FAF1: variants seen among roughly 807,000 people sequenced by gnomAD.
FAF1 encodes the protein FAS-associated factor 1.
Under a neutral mutation model 92.5 loss-of-function variants are expected in FAF1, and 25 were observed. That is an observed-to-expected ratio of 0.27 (90% CI 0.20 to 0.38). The LOEUF is 0.38. FAF1 is among the 10% of genes least tolerant of loss of function. The probability of loss-of-function intolerance (pLI) is 1.00; values close to 1 mark genes in which losing one functional copy is unlikely to be tolerated. For missense variants in FAF1, 636 were observed against 793.3 expected (o/e 0.80, Z 2.38); for synonymous variants, 234 against 273.2 (o/e 0.86, Z 1.42).
Position 50,583,765 on chromosome 1 carries a change from G to A in FAF1, c.968-50C>T, listed in dbSNP as rs376316554. 249 of 1,256,036 alleles carry A rather than the reference G, an allele frequency of 2.0e-4. No homozygotes were observed. The highest frequency in any genetic ancestry group is 2.6e-4 in the Non-Finnish European group (226 of 883,200). The allele number at this position is 1,256,036 out of a possible 1,614,324, so 77.8% of individuals were successfully genotyped here. A position where few individuals can be genotyped will look rare whatever the true frequency, so the allele number is the denominator to read the frequency against. Reference sequence around the variant, plus strand: ...CAAAAACAAAAAAACAAAACAAATAGACACAAAAACAAACCACATAACATC... The same window carrying A: ...CAAAAACAAAAAAACAAAACAAATAAACACAAAAACAAACCACATAACATC... On this transcript the variant is annotated intron_variant, in intron 10 of 18. Transcript: ENST00000396153. The surrounding 1 kb of genome is among the most constrained non-coding windows in gnomAD (Gnocchi z 4.2).
intron 13 of FAF1, among the ~76,000 whole-genome samples, chr1:50,565,316 A>G (rs1366149201): frequency 6.6e-6 from 1 of 152,058 alleles, no homozygotes; most frequent in African/African-American, 2.4e-5. Context: ...AGTCTTTAAT[A>G]TTACCTTTTA....
intron 13 of FAF1, among the ~76,000 whole-genome samples, chr1:50,541,637 C>T (rs574896088): frequency 1.6e-4 from 25 of 152,104 alleles, no homozygotes; most frequent in Non-Finnish European, 2.8e-4. Flanking sequence ...GTTGCTTTCA[C>T]ACCAATGGAT....
intron 13 of FAF1, among the ~76,000 whole-genome samples, chr1:50,554,699 C>T (rs760452621): frequency 3.3e-5 from 5 of 152,070 alleles, no homozygotes; most frequent in African/African-American, 4.8e-5. Flanking sequence ...ATATATCAAA[C>T]CTCACCAAAA....
intron 8 of FAF1, among the ~76,000 whole-genome samples, chr1:50,645,836 A>AG (rs1444932584): frequency 3.3e-5 from 5 of 151,230 alleles, no homozygotes; most frequent in African/African-American, 1.2e-4. Context: ...TAAAAAAAGA[A>AG]AAAAAAAAGG....
At chr1:50,911,014 T>C (rs74700695) in intron 1 of FAF1, among the ~76,000 whole-genome samples, 7 of 152,006 alleles carry the variant, frequency 4.6e-5, no homozygotes, top group Non-Finnish European at 1.0e-4. Context: ...TGGAACCTCC[T>C]TTCACCTTCC....
intron 15 of FAF1, among the ~76,000 whole-genome samples, chr1:50,513,299 G>A (rs1647161078): frequency 6.6e-6 from 1 of 152,194 alleles, no homozygotes; most frequent in African/African-American, 2.4e-5. Flanking sequence ...GGACAAGATG[G>A]AGAAACCCTG....
chr1:50,781,788 A>G (rs981394946), intron 4 of FAF1, among the ~76,000 whole-genome samples: 3 of 152,222 alleles, frequency 2.0e-5, no homozygotes, highest in African/African-American at 7.2e-5. Flanking sequence ...GACTGAAATC[A>G]TATTAAGTGT....
At chr1:50,681,936 C>G (rs548806794) in intron 7 of FAF1, among the ~76,000 whole-genome samples, 20 of 151,862 alleles carry the variant, frequency 1.3e-4, no homozygotes, top group Non-Finnish European at 4.4e-5. Context: ...CAGGCCCAAG[C>G]GATCCTCCCA....
At chr1:50,763,430 T>C (rs1660438840) in intron 4 of FAF1, among the ~76,000 whole-genome samples, 1 of 152,150 alleles carries the variant, frequency 6.6e-6, no homozygotes, top group African/African-American at 2.4e-5. Context: ...GTTATGAAAC[T>C]TCTTAGATTT....
intron 8 of FAF1, among the ~76,000 whole-genome samples, chr1:50,638,467 T>C (rs1373982880): frequency 2.7e-5 from 4 of 147,026 alleles, no homozygotes; most frequent in Non-Finnish European, 4.5e-5. Context: ...TTTTTTGAGA[T>C]GGAGTCACGC....
At chr1:50,814,666 A>T (rs1338007730) in intron 2 of FAF1, among the ~76,000 whole-genome samples, 1 of 152,238 alleles carries the variant, frequency 6.6e-6, no homozygotes, top group Non-Finnish European at 1.5e-5. Context: ...AACCTTATTT[A>T]AAAAATGGGC....
intron 8 of FAF1, among the ~76,000 whole-genome samples, chr1:50,640,096 T>C (rs1306548295): frequency 1.3e-5 from 2 of 152,170 alleles, no homozygotes; most frequent in Admixed American, 6.5e-5. Flanking sequence ...ATTTTTAACA[T>C]GTATTTCATA....
At chr1:50,909,520 T>G (rs1421676394) in intron 1 of FAF1, among the ~76,000 whole-genome samples, 1 of 152,218 alleles carries the variant, frequency 6.6e-6, no homozygotes, top group African/African-American at 2.4e-5. Flanking sequence ...ACCAATCAGA[T>G]GCAGATTTGG....
Position 50,655,636 on chromosome 1 carries a change from A to G in FAF1, c.658-108T>C, listed in dbSNP as rs372150670. On this transcript the variant is annotated intron_variant, in intron 7 of 18. Coordinates refer to ENST00000396153, the MANE Select transcript of FAF1 (RefSeq NM_007051.3). ...GTATTTCTTGTTTTCTTCTAGATTCAAAACAAGAATTTGAAACTATAAAAA... is the reference window on the plus strand; with the variant it reads ...GTATTTCTTGTTTTCTTCTAGATTCGAAACAAGAATTTGAAACTATAAAAA... The G allele has an allele frequency of 2.2e-4, 151 of 676,572 alleles. 1 individual carries two copies. The South Asian group carries it at 3.0e-3, about 13-fold the overall frequency. The allele number at this position is 676,572 out of a possible 1,614,324, so 41.9% of individuals were successfully genotyped here. A position where few individuals can be genotyped will look rare whatever the true frequency, so the allele number is the denominator to read the frequency against.
At chr1:50,745,963 A>G (rs984038784) in intron 4 of FAF1, among the ~76,000 whole-genome samples, 1 of 152,002 alleles carries the variant, frequency 6.6e-6, no homozygotes, top group Non-Finnish European at 1.5e-5. Flanking sequence ...TGTCAACAAA[A>G]TGCTGACAGT....
intron 4 of FAF1, among the ~76,000 whole-genome samples, chr1:50,769,476 G>T (rs990780660): frequency 1.3e-5 from 2 of 152,018 alleles, no homozygotes; most frequent in Non-Finnish European, 2.9e-5. Context: ...CCAAAACCTG[G>T]CAGAGACACA....
chr1:50,567,628 T>C lies in FAF1; in HGVS notation c.1114-397A>G, dbSNP rs1388800108. On this transcript the variant is annotated intron_variant, in intron 12 of 18. Transcript: ENST00000396153. ...AACAATACAGAGAAAAAATATTCTT[T>C]AAAACAGAATGACAAAATTCCTCTT... 2.6e-5 allele frequency among the ~76,000 whole-genome samples: 4 copies of C among 152,114 alleles called. No homozygotes were observed. In the East Asian group the frequency reaches 7.7e-4, roughly 29 times the overall value.
At chr1:50,475,185 A>G (rs1484665080) in intron 18 of FAF1, among the ~76,000 whole-genome samples, 2 of 152,234 alleles carry the variant, frequency 1.3e-5, no homozygotes, top group African/African-American at 4.8e-5. Flanking sequence ...TACAGATGAG[A>G]CATCAGCAAA....
intron 4 of FAF1, among the ~76,000 whole-genome samples, chr1:50,755,765 C>T (rs908132109): frequency 6.6e-6 from 1 of 152,210 alleles, no homozygotes; most frequent in East Asian, 1.9e-4. Context: ...CAATTCTTGA[C>T]TTCTGTGCAC....
Sources: gnomAD v4.1 joint callset for allele counts (sites outside exome capture counted in the v4.1 genomes callset) on GRCh38, gnomAD v4.1.1 for gene constraint, Gnocchi (gnomAD v3.1) non-coding constraint, MANE v1.5 for transcripts, NCBI Gene and HGNC (gene_info 2026-07-23, HGNC 2026-07-21) for gene names.